ASIC2: variants seen among roughly 807,000 people sequenced by gnomAD.
ASIC2 encodes acid-sensing ion channel 2.
Under a neutral mutation model 57.3 loss-of-function variants are expected in ASIC2, and 25 were observed. That is an observed-to-expected ratio of 0.44 (90% confidence interval 0.32 to 0.61). The LOEUF (loss-of-function observed/expected upper bound fraction) is 0.61, where lower values mean the gene tolerates loss of function less well. Ranked by LOEUF, ASIC2 falls within the 20% of genes least tolerant of loss-of-function variation. The probability of loss-of-function intolerance (pLI) is 0.06; values close to 1 mark genes in which losing one functional copy is unlikely to be tolerated. For missense variants in ASIC2, 641 were observed against 738.1 expected, an observed-to-expected ratio of 0.87 and a Z score of 1.52; for synonymous variants, 319 against 307.5, an observed-to-expected ratio of 1.04 and a Z score of -0.39.
At chr17:33,566,366 C>G (rs926400015) in intron 1 of ASIC2, among the ~76,000 whole-genome samples, 2 of 152,194 alleles carry the variant, frequency 1.3e-5, no homozygotes, top group African/African-American at 2.4e-5. Context: ...TGGGCCCTTC[C>G]CTCTAACCAA....
rs572089778 is a variant in ASIC2 at position 33,764,944 on chromosome 17, G to A, written c.555+391034C>T. Reference sequence around the variant, plus strand: ...CTGCTCATGGACCATCAGCCTGGGCGTATGCTGATGCTGACCTGTAAAACT... The same window carrying A: ...CTGCTCATGGACCATCAGCCTGGGCATATGCTGATGCTGACCTGTAAAACT... On this transcript the variant is annotated intron_variant, in intron 1 of 9. Transcript: ENST00000359872. Among the ~76,000 whole-genome samples, 17 of 152,158 alleles carry A rather than the reference G, an allele frequency of 1.1e-4. No homozygotes were observed. In the South Asian group the frequency reaches 2.5e-3, roughly 22 times the overall value.
intron 1 of ASIC2, among the ~76,000 whole-genome samples, chr17:34,049,726 C>CT (rs1309187469): frequency 6.6e-6 from 1 of 152,168 alleles, no homozygotes; most frequent in African/African-American, 2.4e-5. Flanking sequence ...CTCTCTCTGC[C>CT]TCTATTCATC....
intron 3 of ASIC2, among the ~76,000 whole-genome samples, chr17:33,063,682 G>T (rs564686014): frequency 2.0e-5 from 3 of 152,254 alleles, no homozygotes; most frequent in African/African-American, 7.2e-5. Context: ...GGCATTCTCT[G>T]TATTTCCTGA....
In ASIC2 at chr17:33,088,886, A is replaced by G. The variant is rs1390468271; in HGVS notation, c.964T>C (p.Phe322Leu). The part of the protein sequence containing the change: ...GFGVAPGFQT[F>L]VATQEQRLTY... ...ACCCTCTGCTCCTGTGTGGCCACAAAGGTCTGGAACCCTGGAGCCACCCCA... is the reference window on the plus strand; with the variant it reads ...ACCCTCTGCTCCTGTGTGGCCACAAGGGTCTGGAACCCTGGAGCCACCCCA... The change falls in exon 3 of 10, where the codon TTT becomes CTT. Residue 322 changes from phenylalanine to leucine, a missense_variant. Transcript: ENST00000225823. 2 of 1,613,500 alleles carry G rather than the reference A, an allele frequency of 1.2e-6. No homozygotes were observed. The highest frequency in any genetic ancestry group is 2.2e-5 in the South Asian group (2 of 90,950).
intron 2 of ASIC2, among the ~76,000 whole-genome samples, chr17:33,098,818 A>G (rs981462391): frequency 1.2e-4 from 19 of 152,074 alleles, no homozygotes; most frequent in African/African-American, 4.3e-4. Flanking sequence ...ACCAAATCGG[A>G]AGATGTGGAT....
intron 1 of ASIC2, among the ~76,000 whole-genome samples, chr17:34,135,940 C>T (rs954686171): frequency 4.6e-5 from 7 of 151,948 alleles, no homozygotes; most frequent in African/African-American, 1.7e-4. Flanking sequence ...TCCCTATTGC[C>T]TGCGTCAATC....
chr17:33,714,956 TACA>T (rs1909166862), intron 1 of ASIC2, among the ~76,000 whole-genome samples: 2 of 148,482 alleles, frequency 1.3e-5, no homozygotes, highest in South Asian at 4.3e-4. Flanking sequence ...CAGCTGGGAC[TACA>T]GGCTCATGCC....
chr17:33,020,108 A>G (rs1296671143), intron 7 of ASIC2, among the ~76,000 whole-genome samples: 2 of 152,104 alleles, frequency 1.3e-5, no homozygotes, highest in East Asian at 3.9e-4. Context: ...GGACCGAGCT[A>G]TGGTGGGGAG....
intron 1 of ASIC2, among the ~76,000 whole-genome samples, chr17:33,841,268 C>T (rs1913428740): frequency 6.6e-6 from 1 of 152,192 alleles, no homozygotes. Context: ...GACATGGACT[C>T]CAGAGGTCTC....
intron 1 of ASIC2, among the ~76,000 whole-genome samples, chr17:34,123,005 C>T (rs928417516): frequency 3.9e-5 from 6 of 152,128 alleles, no homozygotes; most frequent in Admixed American, 1.3e-4. Context: ...TAGGGAAGTC[C>T]ATCAAAAATT....
intron 1 of ASIC2, among the ~76,000 whole-genome samples, chr17:33,574,832 T>C (rs1306143304): frequency 6.8e-6 from 1 of 147,826 alleles, no homozygotes; most frequent in Non-Finnish European, 1.5e-5. Context: ...AAGAGCTAGT[T>C]TGGGTGGTCT....
intron 1 of ASIC2, among the ~76,000 whole-genome samples, chr17:33,479,024 G>C (rs536705907): frequency 2.0e-5 from 3 of 152,216 alleles, no homozygotes; most frequent in Admixed American, 2.0e-4. Flanking sequence ...TTTTGAGACG[G>C]AGTCTTGCTC....
chr17:33,073,290 TC>T (rs1157588082), intron 3 of ASIC2, among the ~76,000 whole-genome samples: 1 of 152,194 alleles, frequency 6.6e-6, no homozygotes, highest in Non-Finnish European at 1.5e-5. Context: ...AAATGAATTC[TC>T]TTTAATCAAG....
intron 1 of ASIC2, among the ~76,000 whole-genome samples, chr17:33,340,134 G>A (rs150415715): frequency 5.9e-4 from 90 of 152,268 alleles, no homozygotes; most frequent in Non-Finnish European, 5.4e-4. Flanking sequence ...TGTCAGCAGC[G>A]TTAAAACTCA....
At chr17:33,058,366 T>C (rs909902927) in intron 3 of ASIC2, among the ~76,000 whole-genome samples, 4 of 151,618 alleles carry the variant, frequency 2.6e-5, no homozygotes, top group African/African-American at 9.7e-5. Context: ...TTTCCACGGA[T>C]TGTTATTTTT....
chr17:33,240,779 G>C (rs1044580236), intron 1 of ASIC2, among the ~76,000 whole-genome samples: 1 of 152,056 alleles, frequency 6.6e-6, no homozygotes, highest in East Asian at 1.9e-4. Context: ...CTCCCTCTGG[G>C]TGTCTTCCTC....
chr17:33,063,487 G>GC (rs888593334), intron 3 of ASIC2, among the ~76,000 whole-genome samples: 21 of 152,034 alleles, frequency 1.4e-4, no homozygotes, highest in African/African-American at 1.9e-4. Flanking sequence ...TTGAATATTG[G>GC]CCCCCCCTCT....
In ASIC2 at chr17:34,089,032, C is replaced by T. The variant is rs551205227; in HGVS notation, c.555+66946G>A. On this transcript the variant is annotated intron_variant, in intron 1 of 9. Coordinates refer to the ASIC2 transcript ENST00000359872. ...GCCCTGCTTCGGCTCGCACACAGTG[C>T]GCTGCACCCACTGACCTGCGCCCAC... 1.1e-3 allele frequency among the ~76,000 whole-genome samples: 165 copies of T among 152,298 alleles called. 1 individual carries two copies. The highest frequency in any genetic ancestry group is 1.9e-3 in the Non-Finnish European group (127 of 68,018).
At chr17:33,175,931 G>A (rs937844831) in intron 1 of ASIC2, among the ~76,000 whole-genome samples, 3 of 152,128 alleles carry the variant, frequency 2.0e-5, no homozygotes, top group Non-Finnish European at 4.4e-5. Flanking sequence ...TCTGTGAAAA[G>A]CCTAATCTGG....
Sources: gnomAD v4.1 joint callset for allele counts (sites outside exome capture counted in the v4.1 genomes callset) on GRCh38, gnomAD v4.1.1 for gene constraint, MANE v1.5 for transcripts, NCBI Gene and HGNC (gene_info 2026-07-23, HGNC 2026-07-21) for gene names.